Variants in PDCD6IP observed in about 807,000 individuals in gnomAD.
PDCD6IP encodes the protein programmed cell death 6-interacting protein.
PDCD6IP carries 43 observed loss-of-function variants against 103.7 expected under a neutral mutation model. The ratio of observed to expected loss-of-function variants is 0.41; its 90% CI spans 0.32 to 0.53. PDCD6IP has a LOEUF of 0.53. PDCD6IP is among the 20% of genes least tolerant of loss of function. The pLI is 0.16. For missense variants in PDCD6IP, 871 were observed against 1,036.7 expected (o/e 0.84, Z 2.20); for synonymous variants, 354 against 378.7 (o/e 0.93, Z 0.76).
At chr3:33,826,197 G>T (rs754212745) in intron 5 of PDCD6IP, among the ~76,000 whole-genome samples, 17 of 152,102 alleles carry the variant, frequency 1.1e-4, no homozygotes, top group Non-Finnish European at 2.1e-4. Context: ...AAGATTTTTA[G>T]TATATTCATA....
At chr3:33,836,912 T>A (rs1053407082) in intron 8 of PDCD6IP, among the ~76,000 whole-genome samples, 8 of 151,252 alleles carry the variant, frequency 5.3e-5, no homozygotes, top group African/African-American at 7.3e-5. Context: ...CACAAAAATA[T>A]ATATTTTTTT....
intron 7 of PDCD6IP, 47 bp downstream of exon 7, chr3:33,829,016 CTT>C: frequency 6.9e-7 from 1 of 1,456,700 alleles, no homozygotes; most frequent in Non-Finnish European, 9.2e-7. Context: ...TTGGATCTCT[CTT>C]TTTTTTCCTA....
At chr3:33,813,679 A>C (rs750157711) in intron 3 of PDCD6IP, 51 bp downstream of exon 3, 13 of 1,038,968 alleles carry the variant, frequency 1.3e-5, no homozygotes, top group Non-Finnish European at 2.0e-5. Context: ...ACTACTTTGC[A>C]TTGTTTTTAG....
chr3:33,801,494 G>A (rs928045054), intron 1 of PDCD6IP, among the ~76,000 whole-genome samples: 14 of 152,086 alleles, frequency 9.2e-5, no homozygotes, highest in Non-Finnish European at 2.1e-4. Flanking sequence ...ATAATAATGA[G>A]AATGAGTACT....
At chr3:33,818,327 C>G (rs1167680584) in intron 3 of PDCD6IP, among the ~76,000 whole-genome samples, 2 of 149,984 alleles carry the variant, frequency 1.3e-5, no homozygotes, top group East Asian at 2.0e-4. Context: ...AGGCTGGTCT[C>G]GAACTCCTGA....
chr3:33,800,275 T>C (rs971665983), intron 1 of PDCD6IP, among the ~76,000 whole-genome samples: 5 of 152,144 alleles, frequency 3.3e-5, no homozygotes, highest in Admixed American at 1.3e-4. Flanking sequence ...GGGATGGCTG[T>C]AGTGTAATAA....
intron 7 of PDCD6IP, among the ~76,000 whole-genome samples, chr3:33,831,328 A>G (rs1247887339): frequency 6.6e-6 from 1 of 152,066 alleles, no homozygotes; most frequent in Admixed American, 6.6e-5. Context: ...GGACCTAGCA[A>G]GATTGTAAAT....
intron 9 of PDCD6IP, among the ~76,000 whole-genome samples, chr3:33,840,793 G>T (rs2125565419): frequency 6.6e-6 from 1 of 152,238 alleles, no homozygotes; most frequent in South Asian, 2.1e-4. Flanking sequence ...TTGCCTAGAT[G>T]ATGTGAAATT....
intron 1 of PDCD6IP, among the ~76,000 whole-genome samples, chr3:33,805,128 G>A (rs550766329): frequency 6.6e-4 from 101 of 152,144 alleles, no homozygotes; most frequent in African/African-American, 2.4e-3. Context: ...AGGCTGAGGC[G>A]GGTGGATCAC....
rs961878862 is a variant in PDCD6IP, at chr3:33,798,648, C to T, written c.-81C>T. Reference sequence around the variant, plus strand: ...GTCAGCCAGTCAGTCCGCCAGTCCGCCAGCCCAGTACCTCTCTCTCCTCGG... The same window carrying T: ...GTCAGCCAGTCAGTCCGCCAGTCCGTCAGCCCAGTACCTCTCTCTCCTCGG... On this transcript the variant is annotated 5_prime_UTR_variant, in exon 1 of 18. Transcript: ENST00000307296. 7.7e-7 allele frequency: 1 copy of T among 1,298,436 alleles called. No homozygotes were observed. Among genetic ancestry groups the T allele is most frequent in the South Asian group, 1.6e-5 (1 of 61,864 alleles). The allele number at this position is 1,298,436 out of a possible 1,614,324, so 80.4% of individuals were successfully genotyped here. A position where few individuals can be genotyped will look rare whatever the true frequency, so the allele number is the denominator to read the frequency against.
chr3:33,855,913 A>G (rs774835013), intron 15 of PDCD6IP, among the ~76,000 whole-genome samples: 39 of 152,312 alleles, frequency 2.6e-4, no homozygotes, highest in South Asian at 6.2e-4. Flanking sequence ...GGGGTCCCCA[A>G]TCCTGGGGCC....
Position 33,826,558 on chromosome 3 carries a change from A to C in PDCD6IP, c.695A>C (p.Gln232Pro). 1 of 1,611,886 alleles carries C rather than the reference A, an allele frequency of 6.2e-7. No individual in the cohort carries two copies. The highest frequency in any genetic ancestry group is 8.5e-7 in the Non-Finnish European group (1 of 1,178,292). ...TTTGGTGATGCTTTCAAACAGTGTC[A>C]ATACAAAGATACTCTCCCCAAGGTC... ...DYFGDAFKQC[Q>P]YKDTLPKEVF... is the part of the protein sequence containing the mutation. The change falls in exon 6 of 18, where the codon CAA (glutamine) becomes CCA (proline). Residue 232 changes from glutamine (Q) to proline (P), a missense_variant. By Grantham distance (76) the Gln-to-Pro change is moderately conservative. Around this residue, in one of 5 missense-constraint regions of PDCD6IP, gnomAD observed 242 missense variants for 250.7 expected, o/e 0.97. Transcript: ENST00000307296.
At chr3:33,859,528 C>T (rs184296794) in intron 15 of PDCD6IP, among the ~76,000 whole-genome samples, 197 of 151,890 alleles carry the variant, frequency 1.3e-3, no homozygotes, top group Non-Finnish European at 2.2e-3. Context: ...GAGGAGAAGA[C>T]GCAAACAGAA....
chr3:33,798,913 A>G lies in PDCD6IP; in HGVS notation c.185A>G (p.Glu62Gly). The G allele has an allele frequency of 1.3e-6, 2 of 1,541,440 alleles. No homozygotes were observed. The highest frequency in any genetic ancestry group is 1.2e-5 in the South Asian group (1 of 83,810). ...AAVGRPLDKH[E>G]GALETLLRYY... ...GTCGGTCGTCCGCTGGACAAGCACG[A>G]GGGCGCGCTCGAGACGCTCCTGAGG... Residue 62 changes from glutamate (E) to glycine (G), a missense_variant, in exon 1 of 18, where the codon GAG (glutamate) becomes GGG (glycine). Physicochemically the swap from Glu to Gly is moderately conservative, Grantham distance 98. Around this residue, in one of 5 missense-constraint regions of PDCD6IP, gnomAD observed 114 missense variants for 106.7 expected, o/e 1.07. Transcript: ENST00000307296.
intron 1 of PDCD6IP, 107 bp downstream of exon 1, chr3:33,799,044 C>T: frequency 9.1e-7 from 1 of 1,099,602 alleles, no homozygotes; most frequent in Non-Finnish European, 1.3e-6. Flanking sequence ...GGAGCCGCCC[C>T]GTCCCGGCCT....
chr3:33,829,583 C>G (rs1428984852), intron 7 of PDCD6IP, among the ~76,000 whole-genome samples: 1 of 152,042 alleles, frequency 6.6e-6, no homozygotes, highest in Non-Finnish European at 1.5e-5. Flanking sequence ...CAGAAACTTG[C>G]TGTGACATTA....
intron 1 of PDCD6IP, among the ~76,000 whole-genome samples, chr3:33,802,478 TTTTTTTC>T (rs1322934095): frequency 2.0e-5 from 3 of 152,002 alleles, no homozygotes; most frequent in Non-Finnish European, 2.9e-5. Context: ...ATCTCTGACA[TTTTTTTC>T]TTTTTTCTTT....
chr3:33,832,096 A>G (rs1380245627), intron 7 of PDCD6IP, among the ~76,000 whole-genome samples: 3 of 152,244 alleles, frequency 2.0e-5, no homozygotes, highest in Non-Finnish European at 1.5e-5. Flanking sequence ...TAAGAACACC[A>G]TAAACTGGGT....
In PDCD6IP at chr3:33,866,524, A is replaced by C; in HGVS notation, c.2606A>C (p.Ter869SerextTer21). ...PPQQSYYPQQ[*>S] Reference sequence around the variant, plus strand: ...CAGCAGTCTTACTATCCACAGCAGTAATATGTCTGCTCAGCAGCTCAGCTG... The same window carrying C: ...CAGCAGTCTTACTATCCACAGCAGTCATATGTCTGCTCAGCAGCTCAGCTG... The change falls in exon 18 of 18, where the codon TAA becomes TCA. Residue 869 changes from the stop codon to serine (S), a stop_lost. Coordinates refer to ENST00000307296, the MANE Select transcript of PDCD6IP (RefSeq NM_013374.6). 6.3e-7 allele frequency: 1 copy of C among 1,598,238 alleles called. No individual in the cohort carries two copies. The highest frequency in any genetic ancestry group is 1.1e-5 in the South Asian group (1 of 87,866).
Sources: allele counts gnomAD v4.1 joint callset (sites outside exome capture counted in the v4.1 genomes callset), GRCh38; gene constraint gnomAD v4.1.1; regional missense constraint gnomAD v4.1.1; transcripts MANE v1.5; gene names NCBI Gene and HGNC (gene_info 2026-07-23, HGNC 2026-07-21).